Variants in MAGI1 observed in about 807,000 individuals in gnomAD.
MAGI1 encodes membrane associated guanylate kinase, WW and PDZ domain containing 1, also known as membrane-associated guanylate kinase, WW and PDZ domain-containing protein 1.
A neutral mutation model predicts 139.9 loss-of-function variants in MAGI1; 58 were observed. That is an observed-to-expected ratio of 0.41 (90% confidence interval 0.34 to 0.52). MAGI1 has a LOEUF of 0.52. Among genes scored for constraint, MAGI1 ranks in the 20% least tolerant of loss-of-function variants. MAGI1 has a pLI of 0.12. For missense variants in MAGI1, 1,874 were observed against 1,901.6 expected, an observed-to-expected ratio of 0.99 and a Z score of 0.27; for synonymous variants, 812 against 737.9, an observed-to-expected ratio of 1.10 and a Z score of -1.63.
chr3:65,944,697 G>A (rs1351089802), intron 1 of MAGI1, among the ~76,000 whole-genome samples: 1 of 152,110 alleles, frequency 6.6e-6, no homozygotes, highest in Non-Finnish European at 1.5e-5. Context: ...CTGTGTGCAA[G>A]AAACTTCTAG....
chr3:65,430,664 C>T (rs1559548113), intron 11 of MAGI1, 35 bp downstream of exon 11: 8 of 1,598,212 alleles, frequency 5.0e-6, no homozygotes, highest in Non-Finnish European at 6.8e-6. Flanking sequence ...TGGAGTCTCA[C>T]CACACAGAAC....
At chr3:65,883,512 T>C (rs1364362039) in intron 1 of MAGI1, among the ~76,000 whole-genome samples, 1 of 152,246 alleles carries the variant, frequency 6.6e-6, no homozygotes, top group East Asian at 1.9e-4. Context: ...TCTGGAATTG[T>C]ACAGAAACTG....
chr3:65,655,313 A>G (rs567532256), intron 1 of MAGI1, among the ~76,000 whole-genome samples: 12 of 152,206 alleles, frequency 7.9e-5, no homozygotes, highest in Non-Finnish European at 1.3e-4. Flanking sequence ...CAAAAAACAC[A>G]TAAAGCAATG....
At chr3:65,607,963 T>C (rs995901229) in intron 2 of MAGI1, among the ~76,000 whole-genome samples, 1 of 152,220 alleles carries the variant, frequency 6.6e-6, no homozygotes, top group Non-Finnish European at 1.5e-5. Context: ...AAAAATGTTT[T>C]AATACTACTT....
chr3:65,592,533 T>C (rs2082014682), intron 2 of MAGI1, among the ~76,000 whole-genome samples: 1 of 152,156 alleles, frequency 6.6e-6, no homozygotes, highest in African/African-American at 2.4e-5. Flanking sequence ...CATATTAAGA[T>C]GTCAATTTCA....
chr3:65,510,612 T>G (rs1340027999), intron 2 of MAGI1, among the ~76,000 whole-genome samples: 1 of 122,850 alleles, frequency 8.1e-6, no homozygotes, highest in Non-Finnish European at 1.7e-5. Context: ...GAAAAAAGAA[T>G]AAAAAGAAAT....
intron 1 of MAGI1, among the ~76,000 whole-genome samples, chr3:65,650,643 CTG>C (rs1293799645): frequency 1.6e-4 from 25 of 152,272 alleles, no homozygotes; most frequent in Middle Eastern, 3.4e-3. Context: ...GAATAAATAT[CTG>C]TGTTTTTAAG....
intron 1 of MAGI1, among the ~76,000 whole-genome samples, chr3:65,686,968 T>C (rs1297242868): frequency 6.6e-6 from 1 of 152,210 alleles, no homozygotes; most frequent in Non-Finnish European, 1.5e-5. Context: ...CAGGTGCTTT[T>C]ATAGCTGAAA....
At chr3:65,800,545 T>C (rs1208791243) in intron 1 of MAGI1, among the ~76,000 whole-genome samples, 1 of 152,036 alleles carries the variant, frequency 6.6e-6, no homozygotes, top group Non-Finnish European at 1.5e-5. Flanking sequence ...AACAGGTGCT[T>C]GGAAGGGCAG....
chr3:65,894,867 C>T (rs535954700), intron 1 of MAGI1, among the ~76,000 whole-genome samples: 2 of 152,286 alleles, frequency 1.3e-5, no homozygotes, highest in East Asian at 1.9e-4. Context: ...TCTTTATTGC[C>T]GGCTGAGGCC....
chr3:65,693,015 T>C (rs1284592514), intron 1 of MAGI1, among the ~76,000 whole-genome samples: 1 of 152,152 alleles, frequency 6.6e-6, no homozygotes, highest in African/African-American at 2.4e-5. Context: ...CACTGCAGCC[T>C]TGACTTCCTG....
chr3:65,706,330 G>A (rs528817645), intron 1 of MAGI1, among the ~76,000 whole-genome samples: 1 of 152,330 alleles, frequency 6.6e-6, no homozygotes, highest in South Asian at 2.1e-4. Flanking sequence ...CTAAATCTGA[G>A]CGGAACTCTT....
At chr3:65,951,466 G>A (rs1445287413) in intron 1 of MAGI1, among the ~76,000 whole-genome samples, 1 of 152,120 alleles carries the variant, frequency 6.6e-6, no homozygotes, top group Non-Finnish European at 1.5e-5. Flanking sequence ...TCGAAATGGA[G>A]ATATACTCTG....
chr3:65,500,493 G>A (rs2077039451), intron 2 of MAGI1, among the ~76,000 whole-genome samples: 1 of 152,196 alleles, frequency 6.6e-6, no homozygotes, highest in Non-Finnish European at 1.5e-5. Flanking sequence ...GAGGAAATGA[G>A]AAAGTGACCT....
At chr3:65,854,979 C>T (rs1458229131) in intron 1 of MAGI1, among the ~76,000 whole-genome samples, 1 of 152,244 alleles carries the variant, frequency 6.6e-6, no homozygotes, top group Admixed American at 6.5e-5. Flanking sequence ...TAAATAACTA[C>T]GTACAACATC....
chr3:65,537,821 AT>A (rs1270903348), intron 2 of MAGI1, among the ~76,000 whole-genome samples: 1 of 152,160 alleles, frequency 6.6e-6, no homozygotes, highest in African/African-American at 2.4e-5. Flanking sequence ...TATGAAGATA[AT>A]TATCTTTTAA....
intron 2 of MAGI1, among the ~76,000 whole-genome samples, chr3:65,559,734 C>G (rs1404854450): frequency 6.6e-6 from 1 of 152,196 alleles, no homozygotes; most frequent in Non-Finnish European, 1.5e-5. Context: ...GGGTGACAAA[C>G]CAGGATTTAA....
At chr3:65,574,398 A>G (rs1276644957) in intron 2 of MAGI1, among the ~76,000 whole-genome samples, 1 of 150,816 alleles carries the variant, frequency 6.6e-6, no homozygotes, top group Admixed American at 6.6e-5. Context: ...TATATAAAAT[A>G]CCCAGCAGTA....
At chr3:65,480,091 T>C (rs2030732) in intron 3 of MAGI1, among the ~76,000 whole-genome samples, 126,274 of 150,608 alleles carry the variant, frequency 0.84, 53,048 homozygotes, top group East Asian at 0.96. Context: ...TGTATCTTCC[T>C]AAGGATCCAA....
Sources: gnomAD v4.1 joint callset for allele counts (sites outside exome capture counted in the v4.1 genomes callset) on GRCh38, gnomAD v4.1.1 for gene constraint, MANE v1.5 for transcripts, NCBI Gene and HGNC (gene_info 2026-07-23, HGNC 2026-07-21) for gene names.